RBPJ: variants seen among roughly 807,000 people sequenced by gnomAD.
RBPJ encodes recombining binding protein suppressor of hairless.
RBPJ carries 9 observed loss-of-function variants against 67.8 expected under a neutral mutation model. The observed-to-expected ratio is 0.13, with a 90% confidence interval of 0.08 to 0.23. The LOEUF is 0.23. Ranked by LOEUF, RBPJ falls within the 10% of genes least tolerant of loss-of-function variation. RBPJ has a pLI of 1.00. For missense variants in RBPJ, 305 were observed against 595.6 expected, an observed-to-expected ratio of 0.51 and a Z score of 5.08; for synonymous variants, 198 against 203.3, an observed-to-expected ratio of 0.97 and a Z score of 0.22.
At chr4:26,411,071 T>TA (rs1296506250) in intron 3 of RBPJ, among the ~76,000 whole-genome samples, 1 of 152,104 alleles carries the variant, frequency 6.6e-6, no homozygotes, top group African/African-American at 2.4e-5. Flanking sequence ...GCCCAAATTT[T>TA]AAAAAATAGT....
At chr4:26,276,294 A>C (rs1003628148) in intron 1 of RBPJ, among the ~76,000 whole-genome samples, 2 of 151,918 alleles carry the variant, frequency 1.3e-5, no homozygotes, top group Non-Finnish European at 2.9e-5. Flanking sequence ...AAAAAGAAAA[A>C]GAAAACATAA....
chr4:26,109,764 A>G, the RBPJ span, among the ~76,000 whole-genome samples: 2 of 147,208 alleles, frequency 1.4e-5, no homozygotes, highest in Non-Finnish European at 3.0e-5. Context: ...TGTATTCTCA[A>G]TTGACATTAT....
At chr4:26,150,460 C>G in the RBPJ span, among the ~76,000 whole-genome samples, 22 of 152,222 alleles carry the variant, frequency 1.4e-4, no homozygotes, top group African/African-American at 5.3e-4. Context: ...ATCTACTTAA[C>G]AAACACTTGT....
In RBPJ at chr4:26,434,602, C is replaced by T. The variant is rs1281515399; in HGVS notation, c.*3595C>T. 2 of 152,180 alleles carry T rather than the reference C, an allele frequency of 1.3e-5. No individual in the cohort carries two copies. Among genetic ancestry groups the T allele is most frequent in the African/African-American group, 2.4e-5 (1 of 41,428 alleles). 9.4% of individuals were successfully genotyped at this position (152,180 alleles called of 1,614,324 possible). ...CCCTTTCAGGACTGAACTGTATCTC[C>T]TTTTGTTAATTTTCCCCTGTGTTGT... On this transcript the variant is annotated 3_prime_UTR_variant, in exon 11 of 11. Coordinates refer to ENST00000355476, the MANE Select transcript of RBPJ (RefSeq NM_015874.6).
At chr4:26,123,382 G>A in the RBPJ span, among the ~76,000 whole-genome samples, 10 of 152,148 alleles carry the variant, frequency 6.6e-5, no homozygotes, top group African/African-American at 1.4e-4. Flanking sequence ...TTGCAGGACC[G>A]CAAGTTGTTC....
In RBPJ at chr4:26,430,471, C is replaced by G. The variant is rs768333246; in HGVS notation, c.1097C>G (p.Thr366Ser). The G allele has an allele frequency of 6.2e-7, 1 of 1,608,172 alleles. No homozygotes were observed. Among genetic ancestry groups the G allele is most frequent in the Non-Finnish European group, 8.5e-7 (1 of 1,178,550 alleles). ...CTTGAACTTACAGGACAGAATTTCA[C>G]TCCAAATTTACGAGTGTGGTTTGGG... ...AMLELTGQNF[T>S]PNLRVWFGDV... is the part of the protein sequence containing the mutation. Residue 366 changes from threonine to serine, a missense_variant, in exon 10 of 11, where the codon ACT becomes AGT. Coordinates refer to ENST00000355476, the MANE Select transcript of RBPJ (RefSeq NM_015874.6). This position sits in a 1 kb window ranked among gnomAD's most constrained non-coding sequence, Gnocchi z 4.1.
At chr4:26,138,589 C>T in the RBPJ span, among the ~76,000 whole-genome samples, 1 of 152,190 alleles carries the variant, frequency 6.6e-6, no homozygotes, top group Non-Finnish European at 1.5e-5. Flanking sequence ...CCCCACCAAA[C>T]ACAGCCAGAG....
chr4:26,253,621 T>G (rs979254365), intron 1 of RBPJ, among the ~76,000 whole-genome samples: 3 of 150,392 alleles, frequency 2.0e-5, no homozygotes, highest in South Asian at 2.1e-4. Flanking sequence ...AAAATATTTC[T>G]AAAACCTTTC....
At chr4:26,316,748 G>A (rs1420479921), upstream of RBPJ, among the ~76,000 whole-genome samples, 1 of 112,182 alleles carries the variant, frequency 8.9e-6, no homozygotes, top group East Asian at 2.9e-4. Flanking sequence ...TGTTTTTGTT[G>A]TTTTTTTCCT....
intron 1 of RBPJ, among the ~76,000 whole-genome samples, chr4:26,221,310 T>TC (rs1284905656): frequency 6.6e-6 from 1 of 152,184 alleles, no homozygotes; most frequent in Non-Finnish European, 1.5e-5. Flanking sequence ...CAGGATGGTC[T>TC]CCATCTCCTG....
chr4:26,231,649 T>C (rs974133831), intron 1 of RBPJ, among the ~76,000 whole-genome samples: 1 of 151,906 alleles, frequency 6.6e-6, no homozygotes. Flanking sequence ...TGACCTCAAG[T>C]GATCTGCCCG....
intron 1 of RBPJ, among the ~76,000 whole-genome samples, chr4:26,291,362 G>A (rs1721661372): frequency 8.5e-6 from 1 of 117,580 alleles, no homozygotes; most frequent in South Asian, 2.6e-4. Context: ...ATTTGGGAAA[G>A]TACTGAAGGA....
chr4:26,242,446 C>CAAAAAA (rs111654269), intron 1 of RBPJ, among the ~76,000 whole-genome samples: 1 of 112,122 alleles, frequency 8.9e-6, no homozygotes, highest in Non-Finnish European at 1.9e-5. Context: ...GACTCTGTCT[C>CAAAAAA]AAAAAAAAAA....
chr4:26,263,603 G>A (rs550791125), intron 1 of RBPJ, among the ~76,000 whole-genome samples: 1 of 152,090 alleles, frequency 6.6e-6, no homozygotes, highest in Admixed American at 6.6e-5. Flanking sequence ...AAGGAGTCTC[G>A]CTCTGTCACA....
chr4:26,294,765 C>T (rs951628096), intron 1 of RBPJ, among the ~76,000 whole-genome samples: 3 of 151,762 alleles, frequency 2.0e-5, no homozygotes, highest in African/African-American at 7.3e-5. Flanking sequence ...GCCTGTAATC[C>T]CAGCTACTCG....
chr4:26,143,434 T>G, the RBPJ span, among the ~76,000 whole-genome samples: 1 of 152,240 alleles, frequency 6.6e-6, no homozygotes, highest in Non-Finnish European at 1.5e-5. Flanking sequence ...GGCCCTGTGT[T>G]ACTTGTAGTG....
At chr4:26,225,540 G>T (rs1719048615) in intron 1 of RBPJ, among the ~76,000 whole-genome samples, 1 of 152,076 alleles carries the variant, frequency 6.6e-6, no homozygotes, top group South Asian at 2.1e-4. Context: ...GTGACATTAT[G>T]CATTTGTCAA....
chr4:26,142,647 G>A, the RBPJ span, among the ~76,000 whole-genome samples: 1 of 152,232 alleles, frequency 6.6e-6, no homozygotes, highest in African/African-American at 2.4e-5. Flanking sequence ...CCTAAGTTAA[G>A]TGAACTGTTG....
chr4:26,428,970 C>G, intron 8 of RBPJ, 110 bp downstream of exon 8: 1 of 763,232 alleles, frequency 1.3e-6, no homozygotes. Context: ...ATACATGAAG[C>G]TATACACAGA....
Sources: allele counts gnomAD v4.1 joint callset (sites outside exome capture counted in the v4.1 genomes callset), GRCh38; gene constraint gnomAD v4.1.1; non-coding constraint Gnocchi (gnomAD v3.1); transcripts MANE v1.5; gene names NCBI Gene and HGNC (gene_info 2026-07-23, HGNC 2026-07-21).